The following SMIM7 variants were observed in gnomAD, a reference collection of about 807,000 sequenced individuals.
SMIM7 encodes the protein small integral membrane protein 7.
SMIM7 carries 12 observed loss-of-function variants against 13.3 expected under a neutral mutation model. The ratio of observed to expected loss-of-function variants is 0.90; its 90% CI spans 0.58 to 1.46. The LOEUF is 1.46. SMIM7 is among the 40% of genes most tolerant of loss of function. The probability of loss-of-function intolerance (pLI) is 0.00; values close to 1 mark genes in which losing one functional copy is unlikely to be tolerated. For synonymous variants in SMIM7, 36 were observed against 35.8 expected (o/e 1.01, Z -0.02); for missense variants, 114 against 94.8 (o/e 1.20, Z -0.84).
At chr19:16,655,892 C>T (rs569200149) in intron 3 of SMIM7, among the ~76,000 whole-genome samples, 3 of 152,212 alleles carry the variant, frequency 2.0e-5, no homozygotes, top group South Asian at 4.1e-4. Context: ...ACGGTTTAGA[C>T]GAGCCTAGTA....
At chr19:16,650,078 TAA>T (rs1189436605) in intron 4 of SMIM7, among the ~76,000 whole-genome samples, 1 of 152,208 alleles carries the variant, frequency 6.6e-6, no homozygotes, top group Non-Finnish European at 1.5e-5. Flanking sequence ...GAATATTCTA[TAA>T]AATACCGGAT....
chr19:16,656,724 C>T (rs2086601432), intron 3 of SMIM7, among the ~76,000 whole-genome samples: 1 of 151,904 alleles, frequency 6.6e-6, no homozygotes, highest in Admixed American at 6.6e-5. Context: ...CATGGCGAAA[C>T]CCCATCTCTA....
chr19:16,639,996 C>T (rs2086393891), intron 4 of SMIM7: 1 of 151,476 alleles, frequency 6.6e-6, no homozygotes, highest in Admixed American at 6.6e-5. Context: ...GTTGCCCAGG[C>T]TGGAGTGCAA....
At chr19:16,642,824 T>A (rs10422375), downstream of SMIM7, among the ~76,000 whole-genome samples, 894 of 86,534 alleles carry the variant, frequency 0.01, 11 homozygotes, top group African/African-American at 0.046. Flanking sequence ...AGACCTTATC[T>A]TTTTTTTTTT....
At position 16,639,278 on chromosome 19, in the gene SMIM7, T is replaced by A. The variant is rs978037065; in HGVS notation, c.*138-7554A>T. 3.2e-4 allele frequency among the ~76,000 whole-genome samples: 49 copies of A among 151,890 alleles called. 1 individual carries two copies. Among genetic ancestry groups the A allele is most frequent in the Admixed American group, 2.9e-3 (44 of 15,236 alleles). On this transcript the variant is annotated intron_variant and NMD_transcript_variant, in intron 4 of 4. Coordinates refer to the SMIM7 transcript ENST00000465250. ...GCTGGGATTATAGGCGCCCACCACC[T>A]CGCCCGGCTAATTTTTTGTATTTTT...
At chr19:16,639,401 C>T (rs1291428429) in intron 4 of SMIM7, among the ~76,000 whole-genome samples, 1 of 152,120 alleles carries the variant, frequency 6.6e-6, no homozygotes, top group Non-Finnish European at 1.5e-5. Flanking sequence ...GGATTACAGG[C>T]GTGAGCCACT....
intron 4 of SMIM7, chr19:16,652,351 G>A (rs187374519): frequency 5.2e-4 from 87 of 167,486 alleles, no homozygotes; most frequent in African/African-American, 1.5e-3. Flanking sequence ...ATAGGCAGGC[G>A]CCACTACACT....
chr19:16,635,077 C>T (rs1422582704), intron 4 of SMIM7: 2 of 151,944 alleles, frequency 1.3e-5, no homozygotes, highest in East Asian at 3.9e-4. Context: ...GAGTCCAGCC[C>T]GTGGCCGGGC....
At chr19:16,633,847 A>C (rs2086339367) in intron 4 of SMIM7, 1 of 152,256 alleles carries the variant, frequency 6.6e-6, no homozygotes, top group Non-Finnish European at 1.5e-5. Flanking sequence ...ACTTATGCAC[A>C]GAGTGAATAG....
downstream of SMIM7, chr19:16,645,754 C>T (rs1044908837): frequency 6.6e-6 from 1 of 151,790 alleles, no homozygotes; most frequent in African/African-American, 2.4e-5. Context: ...CTCCGCCTCC[C>T]AGATTTAAGC....
intron 4 of SMIM7, among the ~76,000 whole-genome samples, chr19:16,638,478 A>C (rs1230743274): frequency 6.6e-6 from 1 of 150,578 alleles, no homozygotes; most frequent in Admixed American, 6.6e-5. Context: ...TAATTTTTGT[A>C]ATTTTTTTTA....
intron 4 of SMIM7, among the ~76,000 whole-genome samples, chr19:16,649,349 G>A (rs1053010941): frequency 1.2e-4 from 18 of 152,222 alleles, no homozygotes; most frequent in African/African-American, 4.3e-4. Flanking sequence ...AGGCCGATGT[G>A]GGTGGATCAT....
intron 4 of SMIM7, among the ~76,000 whole-genome samples, chr19:16,649,747 T>C (rs1027671022): frequency 2.0e-5 from 3 of 152,066 alleles, no homozygotes; most frequent in African/African-American, 4.8e-5. Context: ...AACTGACAGA[T>C]GGAAAACTGG....
intron 4 of SMIM7, among the ~76,000 whole-genome samples, chr19:16,649,141 A>G (rs1472131023): frequency 4.6e-5 from 7 of 152,124 alleles, no homozygotes; most frequent in Admixed American, 3.3e-4. Flanking sequence ...AGGAATGTAA[A>G]ATGTCGTAGC....
chr19:16,631,890 C>A (rs117923592), intron 4 of SMIM7, among the ~76,000 whole-genome samples: 2 of 134,874 alleles, frequency 1.5e-5, no homozygotes, highest in Admixed American at 1.6e-4. Context: ...TTTTTTTTTT[C>A]GAGAGAGTCT....
chr19:16,631,530 G>A (rs2086321329), exon 5 of SMIM7: 1 of 152,192 alleles, frequency 6.6e-6, no homozygotes, highest in Non-Finnish European at 1.5e-5. Context: ...GGACAGTGAG[G>A]GAGTAGAAGG....
chr19:16,654,175 A>G (rs1364643857), intron 3 of SMIM7, 50 bp from the exon 4 acceptor site: 28 of 1,490,438 alleles, frequency 1.9e-5, no homozygotes, highest in Non-Finnish European at 2.6e-5. Flanking sequence ...TCCCATCCCT[A>G]CTGCCACCTC....
intron 3 of SMIM7, among the ~76,000 whole-genome samples, chr19:16,655,898 T>C (rs2122547187): frequency 6.6e-6 from 1 of 152,232 alleles, no homozygotes; most frequent in Middle Eastern, 3.4e-3. Context: ...TAGACGAGCC[T>C]AGTATTATCT....
At chr19:16,652,683 T>C in intron 4 of SMIM7, 1 of 1,420,020 alleles carries the variant, frequency 7.0e-7, no homozygotes, top group African/African-American at 1.4e-5. Context: ...ATCTCCTATG[T>C]CCTGGAAGCA....
Sources: gnomAD v4.1 joint callset for allele counts (sites outside exome capture counted in the v4.1 genomes callset) on GRCh38, gnomAD v4.1.1 for gene constraint, MANE v1.5 for transcripts, NCBI Gene and HGNC (gene_info 2026-07-23, HGNC 2026-07-21) for gene names.